The following ASAP1 variants were observed in gnomAD, a reference collection of about 807,000 sequenced individuals.
ASAP1 encodes the protein ArfGAP with SH3 domain, ankyrin repeat and PH domain 1.
Under a neutral mutation model 145.2 loss-of-function variants are expected in ASAP1, and 43 were observed. The ratio of observed to expected loss-of-function variants is 0.30; its 90% CI spans 0.23 to 0.38. The LOEUF (loss-of-function observed/expected upper bound fraction) is 0.38, where lower values mean the gene tolerates loss of function less well. Ranked by LOEUF, ASAP1 falls within the 10% of genes least tolerant of loss-of-function variation. ASAP1 has a pLI of 1.00. For missense variants in ASAP1, 1,018 were observed against 1,355.3 expected (o/e 0.75, Z 3.91); for synonymous variants, 546 against 515.5 (o/e 1.06, Z -0.80).
At chr8:130,070,858 GGAGAGAGGGA>G (rs1564925072) in intron 27 of ASAP1, among the ~76,000 whole-genome samples, 12 of 3,548 alleles carry the variant, frequency 3.4e-3, no homozygotes, top group Admixed American at 0.016. Flanking sequence ...GGAGAGAGAG[GGAGAGAGGGA>G]GAGAGAGGGA....
At chr8:130,439,911 T>A (rs1425029128) in intron 1 of ASAP1, among the ~76,000 whole-genome samples, 2 of 152,114 alleles carry the variant, frequency 1.3e-5, no homozygotes, top group African/African-American at 4.8e-5. Context: ...CCTAGACATC[T>A]CAAATTTAGG....
intron 4 of ASAP1, among the ~76,000 whole-genome samples, chr8:130,223,773 C>T (rs1302087567): frequency 2.0e-5 from 3 of 152,092 alleles, no homozygotes; most frequent in Admixed American, 2.0e-4. Context: ...CATACTCTTT[C>T]CTGGGAGCCT....
intron 5 of ASAP1, among the ~76,000 whole-genome samples, chr8:130,188,741 AAAAAG>A (rs1186073722): frequency 1.4e-5 from 2 of 144,968 alleles, no homozygotes; most frequent in Non-Finnish European, 3.0e-5. Flanking sequence ...AAAAAAAAAA[AAAAAG>A]AAAAGAAAAG....
chr8:130,331,807 C>A (rs138079031), intron 3 of ASAP1, among the ~76,000 whole-genome samples: 2 of 152,260 alleles, frequency 1.3e-5, no homozygotes, highest in South Asian at 4.1e-4. Flanking sequence ...CACATACACA[C>A]ACACATGCAA....
chr8:130,377,091 C>T (rs1294703636), intron 2 of ASAP1, among the ~76,000 whole-genome samples: 1 of 152,048 alleles, frequency 6.6e-6, no homozygotes, highest in African/African-American at 2.4e-5. Flanking sequence ...GACAAACACA[C>T]ATACATCACT....
intron 1 of ASAP1, 69 bp from the exon 2 acceptor site, chr8:130,402,039 A>C (rs1828820776): frequency 9.4e-7 from 1 of 1,062,768 alleles, no homozygotes; most frequent in African/African-American, 1.6e-5. Context: ...ACATTGTCTC[A>C]GACCAAGATC....
At chr8:130,187,978 T>G in intron 6 of ASAP1, 131 bp downstream of exon 6, 1 of 711,932 alleles carries the variant, frequency 1.4e-6, no homozygotes. Context: ...ATGATCATTT[T>G]CCAAGAGCAT....
chr8:130,248,437 G>C (rs970252942), intron 3 of ASAP1, among the ~76,000 whole-genome samples: 10 of 152,276 alleles, frequency 6.6e-5, no homozygotes, highest in Admixed American at 3.9e-4. Context: ...GCATCAGGGA[G>C]ATCAGATGCC....
At chr8:130,211,135 A>G (rs16904217) in intron 5 of ASAP1, among the ~76,000 whole-genome samples, 5,393 of 152,248 alleles carry the variant, frequency 0.035, 152 homozygotes, top group African/African-American at 0.081. Context: ...CTCGAATCCT[A>G]TGTTACAAGG....
intron 2 of ASAP1, among the ~76,000 whole-genome samples, chr8:130,373,993 T>C (rs1298116709): frequency 1.6e-5 from 2 of 127,336 alleles, no homozygotes; most frequent in Non-Finnish European, 3.3e-5. Flanking sequence ...AATTAAAAAA[T>C]ATTTGGTGCT....
At chr8:130,108,768 T>G (rs1003593982) in intron 24 of ASAP1, among the ~76,000 whole-genome samples, 1,441 of 116,808 alleles carry the variant, frequency 0.012, 11 homozygotes, top group Middle Eastern at 0.02. Flanking sequence ...TTTTTTTTTT[T>G]TTTTTTTTTT....
intron 1 of ASAP1, among the ~76,000 whole-genome samples, chr8:130,407,220 G>A (rs1031586485): frequency 6.6e-6 from 1 of 152,176 alleles, no homozygotes; most frequent in African/African-American, 2.4e-5. Context: ...ACGTGTCCAA[G>A]GTTATTGCTT....
intron 9 of ASAP1, among the ~76,000 whole-genome samples, chr8:130,175,782 G>A (rs1309249410): frequency 2.6e-5 from 4 of 152,120 alleles, no homozygotes; most frequent in African/African-American, 7.2e-5. Flanking sequence ...TCCTTTCTGA[G>A]CTACAACTTC....
chr8:130,188,330 C>T, intron 5 of ASAP1, 147 bp from the exon 6 acceptor site: 2 of 660,368 alleles, frequency 3.0e-6, no homozygotes, highest in East Asian at 2.7e-5. Flanking sequence ...CTACATGACA[C>T]CTCTGTAGGT....
chr8:130,440,391 C>T (rs1217636558), intron 1 of ASAP1, among the ~76,000 whole-genome samples: 1 of 151,958 alleles, frequency 6.6e-6, no homozygotes, highest in African/African-American at 2.4e-5. Flanking sequence ...CCTATCATCC[C>T]AGCTACTCAG....
At chr8:130,389,987 A>G (rs1828198805) in intron 2 of ASAP1, among the ~76,000 whole-genome samples, 1 of 152,210 alleles carries the variant, frequency 6.6e-6, no homozygotes, top group South Asian at 2.1e-4. Context: ...TTCTCAAACT[A>G]CGTCTGCATC....
chr8:130,297,162 G>A (rs1441302837), intron 3 of ASAP1, among the ~76,000 whole-genome samples: 1 of 152,174 alleles, frequency 6.6e-6, no homozygotes, highest in African/African-American at 2.4e-5. Flanking sequence ...GCCAGGCGCT[G>A]CACTGGTTTT....
intron 23 of ASAP1, among the ~76,000 whole-genome samples, chr8:130,113,547 A>G (rs916092927): frequency 1.4e-4 from 21 of 152,178 alleles, no homozygotes; most frequent in African/African-American, 5.1e-4. Flanking sequence ...CTCTTTGGCC[A>G]TTCCTTACAT....
At chr8:130,300,835 C>G (rs1366420687) in intron 3 of ASAP1, among the ~76,000 whole-genome samples, 1 of 152,240 alleles carries the variant, frequency 6.6e-6, no homozygotes, top group Non-Finnish European at 1.5e-5. Context: ...TCATCCAAAT[C>G]TTTATCTGCT....
Sources: allele counts gnomAD v4.1 joint callset (sites outside exome capture counted in the v4.1 genomes callset), GRCh38; gene constraint gnomAD v4.1.1; transcripts MANE v1.5; gene names NCBI Gene and HGNC (gene_info 2026-07-23, HGNC 2026-07-21).